MYO7A: variants seen among roughly 807,000 people sequenced by gnomAD.
The protein encoded by MYO7A is unconventional myosin-VIIa.
A neutral mutation model predicts 263.8 loss-of-function variants in MYO7A; 210 were observed. The ratio of observed to expected loss-of-function variants is 0.80; its 90% CI spans 0.71 to 0.89. The LOEUF (loss-of-function observed/expected upper bound fraction) is 0.89, where lower values mean the gene tolerates loss of function less well. Ranked by LOEUF, MYO7A falls within the 40% of genes least tolerant of loss-of-function variation. The pLI, the probability that MYO7A is intolerant of heterozygous loss-of-function variation, is 0.00. For missense variants in MYO7A, 2,820 were observed against 2,968.3 expected (o/e 0.95, Z 1.16); for synonymous variants, 1,239 against 1,197.3 (o/e 1.03, Z -0.72).
At chr11:77,190,916 G>A (rs1299182921) in intron 30 of MYO7A, 46 bp downstream of exon 30, 1 of 1,502,512 alleles carries the variant, frequency 6.7e-7, no homozygotes, top group African/African-American at 1.4e-5. Context: ...CCTCCTCCCG[G>A]CCCCACTCCG....
chr11:77,205,495 G>GCTGTGCAC lies in MYO7A; in HGVS notation c.5515_5522dup (p.Gly1842CysfsTer40), dbSNP rs762117246. ...AGGAGCGGGGTTGGGAGCTGCTCTG[G>GCTGTGCAC]CTGTGCACGGGCCTTTTCCCACCCA... On this transcript the variant is annotated frameshift_variant, in exon 40 of 49. Transcript: ENST00000409709. LOFTEE classifies it high-confidence loss of function. 6.3e-6 allele frequency: 10 copies of GCTGTGCAC among 1,591,612 alleles called. No homozygotes were observed. Among genetic ancestry groups the GCTGTGCAC allele is most frequent in the Non-Finnish European group, 8.5e-6 (10 of 1,169,906 alleles).
At chr11:77,181,712 A>T in intron 23 of MYO7A, 123 bp downstream of exon 23, 1 of 992,200 alleles carries the variant, frequency 1.0e-6, no homozygotes, top group South Asian at 1.7e-5. Context: ...AGCAGAGATG[A>T]ACTGGGTCCG....
At position 77,134,610 on chromosome 11, in the gene MYO7A, G is replaced by C. The variant is rs562354040; in HGVS notation, c.18+3958G>C. Reference sequence around the variant, plus strand: ...AGCCTCCTAAGTGGCTGGGAGTACAGGCGCCTATCACTGTGCCTGGTTAAA... The same window carrying C: ...AGCCTCCTAAGTGGCTGGGAGTACACGCGCCTATCACTGTGCCTGGTTAAA... On this transcript the variant is annotated intron_variant, in intron 2 of 48. Coordinates refer to ENST00000409709, the MANE Select transcript of MYO7A (RefSeq NM_000260.4). Among the ~76,000 whole-genome samples the C allele has an allele frequency of 2.0e-5, 3 of 152,198 alleles. No individual in the cohort carries two copies. In the East Asian group the frequency reaches 5.8e-4, roughly 29 times the overall value.
intron 31 of MYO7A, 43 bp from the exon 32 acceptor site, chr11:77,194,311 A>C: frequency 6.3e-7 from 1 of 1,586,882 alleles, no homozygotes; most frequent in Non-Finnish European, 8.6e-7. Flanking sequence ...GGCTTCCTGG[A>C]GGGGCCTGGG....
chr11:77,179,820 T>A lies in MYO7A; in HGVS notation c.2453T>A (p.Ile818Asn). ...QQYRLARQRI[I>N]QFQARCRAYL... Reference sequence around the variant, plus strand: ...TACCGCCTGGCCCGCCAGCGCATCATCCAGTTCCAGGCCCGCTGCCGCGCC... The same window carrying A: ...TACCGCCTGGCCCGCCAGCGCATCAACCAGTTCCAGGCCCGCTGCCGCGCC... The change falls in exon 21 of 49, where the codon ATC becomes AAC. Residue 818 changes from isoleucine (I) to asparagine (N), a missense_variant. By Grantham distance (149) the Ile-to-Asn change is moderately radical. Coordinates refer to ENST00000409709, the MANE Select transcript of MYO7A (RefSeq NM_000260.4). 6.5e-7 allele frequency: 1 copy of A among 1,546,490 alleles called. No homozygotes were observed. The highest frequency in any genetic ancestry group is 8.7e-7 in the Non-Finnish European group (1 of 1,148,162).
intron 25 of MYO7A, 107 bp downstream of exon 25, chr11:77,182,707 T>C: frequency 1.6e-6 from 2 of 1,246,610 alleles, no homozygotes; most frequent in Non-Finnish European, 2.2e-6. Context: ...CTATAATTCA[T>C]CTCTGCCTCA....
rs782441745 is a variant in MYO7A, at chr11:77,160,173, C to T, written c.1091C>T (p.Pro364Leu). The part of the protein sequence containing the change: ...TAASLLEVNP[P>L]DLMSCLTSRT... ...TGTTGCCTGTACCAGGTGAACCCCC[C>T]AGACCTGATGAGCTGCCTGACTAGC... The change falls in exon 11 of 49, where the codon CCA (proline) becomes CTA (leucine). Residue 364 changes from proline (P) to leucine (L), a missense_variant. Coordinates refer to ENST00000409709, the MANE Select transcript of MYO7A (RefSeq NM_000260.4). 6.4e-7 allele frequency: 1 copy of T among 1,562,082 alleles called. No individual in the cohort carries two copies. The highest frequency in any genetic ancestry group is 8.7e-7 in the Non-Finnish European group (1 of 1,154,010).
chr11:77,158,201 G>C, intron 8 of MYO7A, 76 bp from the exon 9 acceptor site: 1 of 1,441,122 alleles, frequency 6.9e-7, no homozygotes, highest in Middle Eastern at 2.3e-4. Context: ...GGCCTTTTGG[G>C]CAGGCAGCCA....
At chr11:77,148,519 G>A (rs1555055416) in intron 4 of MYO7A, among the ~76,000 whole-genome samples, 1 of 152,218 alleles carries the variant, frequency 6.6e-6, no homozygotes, top group East Asian at 1.9e-4. Context: ...AGCCAGGACA[G>A]AGCAGATTCC....
At position 77,190,811 on chromosome 11, in the gene MYO7A, G is replaced by T; in HGVS notation, c.3865G>T (p.Asp1289Tyr). ...TAKELCNALA[D>Y]KISLKDRFGF... ...CAAGGAGCTCTGCAACGCGCTGGCC[G>T]ACAAGATCTCTCTCAAGGACCGGTT... Residue 1289 changes from aspartate to tyrosine, a missense_variant, in exon 30 of 49, where the codon GAC becomes TAC. Asp to Tyr is a radical substitution (Grantham distance 160). Transcript: ENST00000409709. The T allele has an allele frequency of 6.3e-7, 1 of 1,591,302 alleles. No homozygotes were observed. Among genetic ancestry groups the T allele is most frequent in the South Asian group, 1.2e-5 (1 of 86,946 alleles).
chr11:77,131,541 G>A (rs879963647), intron 2 of MYO7A, among the ~76,000 whole-genome samples: 3 of 152,208 alleles, frequency 2.0e-5, no homozygotes, highest in Non-Finnish European at 2.9e-5. Flanking sequence ...CTGTTCAAAC[G>A]CCCATTAGAG....
intron 24 of MYO7A, 58 bp downstream of exon 24, chr11:77,182,212 C>T: frequency 6.3e-7 from 1 of 1,593,318 alleles, no homozygotes; most frequent in Admixed American, 1.7e-5. Flanking sequence ...GGGCTATGGA[C>T]TCTGCTGCTG....
Position 77,190,705 on chromosome 11 carries a change from G to A in MYO7A, c.3759G>A (p.Lys1253=), listed in dbSNP as rs765905275. The A allele has an allele frequency of 3.8e-6, 6 of 1,592,304 alleles. No homozygotes were observed. The highest frequency in any genetic ancestry group is 5.1e-6 in the Non-Finnish European group (6 of 1,170,274). The change falls in exon 30 of 49, where the codon AAG becomes AAA. Residue 1253 remains lysine, a synonymous_variant. Transcript: ENST00000409709. Reference sequence around the variant, plus strand: ...TCTTGGGGCACTTCCAGGCCACCAAGTCCAAGAAGCCAATCATGTTGCCCG... The same window carrying A: ...TCTTGGGGCACTTCCAGGCCACCAAATCCAAGAAGCCAATCATGTTGCCCG... ...PPSWLELQAT[K]SKKPIMLPVT...
intron 27 of MYO7A, 186 bp downstream of exon 27, chr11:77,184,901 A>G: frequency 9.7e-7 from 1 of 1,030,370 alleles, no homozygotes; most frequent in Non-Finnish European, 1.5e-6. Context: ...CTTGTCTGTA[A>G]AGGGGGAATC....
chr11:77,157,984 C>A (rs1404711893), intron 8 of MYO7A, among the ~76,000 whole-genome samples: 2 of 152,176 alleles, frequency 1.3e-5, no homozygotes, highest in African/African-American at 2.4e-5. Context: ...CTGTGACTGC[C>A]AGGTGGGCAA....
chr11:77,195,087 G>A (rs1956536332), intron 32 of MYO7A, among the ~76,000 whole-genome samples: 1 of 152,086 alleles, frequency 6.6e-6, no homozygotes, highest in Non-Finnish European at 1.5e-5. Flanking sequence ...CCCTGGCTGT[G>A]CAAGAGAATT....
chr11:77,162,102 A>T lies in MYO7A; in HGVS notation c.1344-18A>T, dbSNP rs782769954. 6.3e-7 allele frequency: 1 copy of T among 1,583,216 alleles called. No individual in the cohort carries two copies. Among genetic ancestry groups the T allele is most frequent in the South Asian group, 1.2e-5 (1 of 86,340 alleles). ...GGGGCCTGAACAACACCCTTACCCC[A>T]TCCCTGTGCCCCTGCAGCTTTGAGC... On this transcript the variant is annotated intron_variant, in intron 12 of 48. Transcript: ENST00000409709.
At chr11:77,209,835 G>T (rs150267306) in intron 44 of MYO7A, among the ~76,000 whole-genome samples, 2 of 152,126 alleles carry the variant, frequency 1.3e-5, no homozygotes, top group Non-Finnish European at 2.9e-5. Context: ...TCCCCCAGTG[G>T]ATTCCCCTTG....
chr11:77,190,966 CCT>C (rs1231513838), intron 30 of MYO7A, 96 bp downstream of exon 30: 107 of 1,330,822 alleles, frequency 8.0e-5, no homozygotes, highest in Non-Finnish European at 1.1e-4. Flanking sequence ...GGCTATTCAC[CCT>C]TGAGCACCTC....
Sources: gnomAD v4.1 joint callset for allele counts (sites outside exome capture counted in the v4.1 genomes callset) on GRCh38, gnomAD v4.1.1 for gene constraint, MANE v1.5 for transcripts, NCBI Gene and HGNC (gene_info 2026-07-23, HGNC 2026-07-21) for gene names.